Variants in GMDS observed in about 807,000 individuals in gnomAD.
The protein encoded by GMDS is GDP-mannose 4,6-dehydratase, also known as GDP-mannose 4,6 dehydratase.
GMDS carries 20 observed loss-of-function variants against 49.9 expected under a neutral mutation model. That is an observed-to-expected ratio of 0.40 (90% CI 0.28 to 0.58). The LOEUF is 0.58. Among genes scored for constraint, GMDS ranks in the 20% least tolerant of loss-of-function variants. The pLI is 0.42. For synonymous variants in GMDS, 177 were observed against 178.6 expected, an observed-to-expected ratio of 0.99 and a Z score of 0.07; for missense variants, 362 against 481.4, an observed-to-expected ratio of 0.75 and a Z score of 2.32.
chr6:2,214,295 T>A (rs113820676), intron 1 of GMDS, among the ~76,000 whole-genome samples: 15 of 152,284 alleles, frequency 9.9e-5, no homozygotes, highest in African/African-American at 3.1e-4. Flanking sequence ...TTTCTATACC[T>A]CAGAGTAACC....
chr6:1,707,413 C>A (rs868365945), intron 9 of GMDS, among the ~76,000 whole-genome samples: 25 of 152,190 alleles, frequency 1.6e-4, no homozygotes, highest in Admixed American at 3.9e-4. Context: ...CAGTGACAGA[C>A]TGAACAGCCA....
chr6:2,234,859 T>C (rs1781281817), intron 1 of GMDS, among the ~76,000 whole-genome samples: 1 of 151,896 alleles, frequency 6.6e-6, no homozygotes, highest in Non-Finnish European at 1.5e-5. Context: ...TAAAAACAAG[T>C]GAGGACCTGT....
rs1323632 is a variant in GMDS, at chr6:1,960,101, C to G, written c.539-130G>C. The G allele has an allele frequency of 0.45, 235,247 of 519,826 alleles. 54,386 individuals are homozygous for G. The highest frequency in any genetic ancestry group is 0.48 in the Non-Finnish European group (137,487 of 288,252). 32.2% of individuals were successfully genotyped at this position (519,826 alleles called of 1,614,324 possible). On this transcript the variant is annotated intron_variant, in intron 5 of 10. Transcript: ENST00000380815. ...TCCAAATACAAAAAAGTATCAAAAC[C>G]CAAAGACGAAATAAAGGTTATTACA...
intron 7 of GMDS, among the ~76,000 whole-genome samples, chr6:1,808,904 C>CTGTGTG (rs35317273): frequency 0.025 from 3,738 of 149,392 alleles, 144 homozygotes; most frequent in African/African-American, 0.088. Context: ...CATGCTCTCT[C>CTGTGTG]TGTGTGTGTG....
chr6:1,624,586 T>C, intron 9 of GMDS, 46 bp from the exon 10 acceptor site: 1 of 1,335,000 alleles, frequency 7.5e-7, no homozygotes, highest in Non-Finnish European at 1.1e-6. Context: ...GTCGTGGGGG[T>C]GGGGGCAGCA....
In GMDS at chr6:1,844,746, A is replaced by G. The variant is rs761614699; in HGVS notation, c.771+85357T>C. ...AAGCTGCACCTATCTAGCAACTTTCAGTGACATTAACAGATGAAAGTGCAT... is the reference window on the plus strand; with the variant it reads ...AAGCTGCACCTATCTAGCAACTTTCGGTGACATTAACAGATGAAAGTGCAT... On this transcript the variant is annotated intron_variant, in intron 7 of 10. Transcript: ENST00000380815. Among the ~76,000 whole-genome samples the G allele has an allele frequency of 2.6e-5, 4 of 152,230 alleles. No individual in the cohort carries two copies. The South Asian group carries it at 8.3e-4, about 31-fold the overall frequency.
intron 4 of GMDS, among the ~76,000 whole-genome samples, chr6:2,006,672 T>G (rs1767202381): frequency 6.6e-6 from 1 of 152,222 alleles, no homozygotes; most frequent in Admixed American, 6.5e-5. Context: ...ATCATTTTCC[T>G]GTGTCTCCCT....
intron 7 of GMDS, among the ~76,000 whole-genome samples, chr6:1,847,016 T>G (rs1757443568): frequency 6.6e-6 from 1 of 152,190 alleles, no homozygotes; most frequent in Admixed American, 6.5e-5. Flanking sequence ...TGAAATAGAA[T>G]TATGATGTAC....
chr6:1,959,766 G>T, intron 6 of GMDS, 101 bp downstream of exon 6: 1 of 503,326 alleles, frequency 2.0e-6, no homozygotes, highest in East Asian at 3.2e-5. Context: ...GATACAGATA[G>T]GAAATTTTTC....
chr6:1,776,493 G>C (rs1037346255), intron 7 of GMDS, among the ~76,000 whole-genome samples: 23 of 150,666 alleles, frequency 1.5e-4, no homozygotes, highest in African/African-American at 5.1e-4. Context: ...TTTGATACCA[G>C]CCTTGGCAAC....
At chr6:1,810,559 A>C (rs226464) in intron 7 of GMDS, among the ~76,000 whole-genome samples, 78,615 of 151,838 alleles carry the variant, frequency 0.52, 20,525 homozygotes, top group African/African-American at 0.56. Flanking sequence ...CTAGGGTTAC[A>C]GGCGTGAGCC....
In GMDS at chr6:2,223,133, C is replaced by T. The variant is rs943843313; in HGVS notation, c.102+22188G>A. ...AATCAATCAATCAATCAATCAATAG[C>T]GCGCTCTCTCTCTCTCTATATATAT... On this transcript the variant is annotated intron_variant, in intron 1 of 10. Transcript: ENST00000380815. 8.6e-5 allele frequency among the ~76,000 whole-genome samples: 13 copies of T among 151,130 alleles called. No homozygotes were observed. The East Asian group carries it at 1.4e-3, about 16-fold the overall frequency.
chr6:1,799,107 CG>C (rs968156824), intron 7 of GMDS, among the ~76,000 whole-genome samples: 2 of 151,772 alleles, frequency 1.3e-5, no homozygotes, highest in South Asian at 2.1e-4. Flanking sequence ...CAAAGATTAG[CG>C]AGGGAAGGGA....
intron 7 of GMDS, among the ~76,000 whole-genome samples, chr6:1,755,205 G>A (rs540095707): frequency 1.3e-5 from 2 of 152,284 alleles, no homozygotes; most frequent in East Asian, 3.9e-4. Context: ...AAATCAATGT[G>A]CAAAAATCAC....
Position 2,025,559 on chromosome 6 carries a change from C to T in GMDS, c.346-64593G>A, listed in dbSNP as rs182895417. Among the ~76,000 whole-genome samples, 14 of 151,852 alleles carry T rather than the reference C, an allele frequency of 9.2e-5. No individual in the cohort carries two copies. The East Asian group carries it at 2.7e-3, about 29-fold the overall frequency. Reference sequence around the variant, plus strand: ...TTCTCCTTGTAATTGAAAAAAAAATCAAATCAAGCATTCACTTAACATTAT... The same window carrying T: ...TTCTCCTTGTAATTGAAAAAAAAATTAAATCAAGCATTCACTTAACATTAT... On this transcript the variant is annotated intron_variant, in intron 4 of 10. Transcript: ENST00000380815.
intron 9 of GMDS, among the ~76,000 whole-genome samples, chr6:1,638,413 C>T (rs557404446): frequency 6.6e-6 from 1 of 152,132 alleles, no homozygotes; most frequent in African/African-American, 2.4e-5. Flanking sequence ...ATCAGCTCCT[C>T]GAGTGCCAGC....
chr6:2,095,239 T>C (rs1773528929), intron 4 of GMDS, among the ~76,000 whole-genome samples: 2 of 152,190 alleles, frequency 1.3e-5, no homozygotes, highest in Non-Finnish European at 2.9e-5. Context: ...TTGAGTTAAA[T>C]AGTGCATGCT....
chr6:1,720,865 A>G (rs1766361006), intron 9 of GMDS, among the ~76,000 whole-genome samples: 1 of 152,062 alleles, frequency 6.6e-6, no homozygotes, highest in South Asian at 2.1e-4. Flanking sequence ...AGATGAAGGG[A>G]TAGAGTGGGG....
intron 4 of GMDS, among the ~76,000 whole-genome samples, chr6:2,030,375 A>T (rs1387747682): frequency 6.6e-6 from 1 of 152,160 alleles, no homozygotes; most frequent in East Asian, 1.9e-4. Flanking sequence ...ACCTGGAGGA[A>T]ATTTTGCTGT....
Sources: allele counts gnomAD v4.1 joint callset (sites outside exome capture counted in the v4.1 genomes callset), GRCh38; gene constraint gnomAD v4.1.1; transcripts MANE v1.5; gene names NCBI Gene and HGNC (gene_info 2026-07-23, HGNC 2026-07-21).